The following CACNA1E variants were observed in gnomAD, a reference collection of about 807,000 sequenced individuals.
CACNA1E encodes calcium voltage-gated channel subunit alpha1 E, also known as voltage-dependent R-type calcium channel subunit alpha-1E.
In CACNA1E, 40 loss-of-function variants were observed where a neutral mutation model predicts 259.2. The ratio of observed to expected loss-of-function variants is 0.15; its 90% CI spans 0.12 to 0.20. The LOEUF is 0.20. Among genes scored for constraint, CACNA1E ranks in the 10% least tolerant of loss-of-function variants. The pLI, the probability that CACNA1E is intolerant of heterozygous loss-of-function variation, is 1.00. For missense variants in CACNA1E, 1,874 were observed against 3,040.1 expected, an observed-to-expected ratio of 0.62 and a Z score of 9.02; for synonymous variants, 1,104 against 1,138.5, an observed-to-expected ratio of 0.97 and a Z score of 0.61.
chr1:181,615,493 A>G (rs1477210793), intron 6 of CACNA1E, among the ~76,000 whole-genome samples: 1 of 152,074 alleles, frequency 6.6e-6, no homozygotes, highest in African/African-American at 2.4e-5. Context: ...TGGCTGATAT[A>G]TCTTTTATTA....
At chr1:181,772,295 T>C in intron 37 of CACNA1E, 64 bp downstream of exon 37, 1 of 1,501,500 alleles carries the variant, frequency 6.7e-7, no homozygotes, top group Middle Eastern at 1.8e-4. Flanking sequence ...AACCCTCTGA[T>C]ACATAGACCG....
intron 2 of CACNA1E, among the ~76,000 whole-genome samples, chr1:181,456,443 C>T (rs1464512233): frequency 6.6e-6 from 1 of 152,170 alleles, no homozygotes; most frequent in African/African-American, 2.4e-5. Flanking sequence ...TCCATGTGAT[C>T]TGAGGTATTC....
In CACNA1E at chr1:181,732,095, G is replaced by T. The variant is rs1163565957; in HGVS notation, c.2298-289G>T. 6.6e-6 allele frequency among the ~76,000 whole-genome samples: 1 copy of T among 151,956 alleles called. No individual in the cohort carries two copies. Among genetic ancestry groups the T allele is most frequent in the Non-Finnish European group, 1.5e-5 (1 of 67,988 alleles). On this transcript the variant is annotated intron_variant, in intron 19 of 47. Coordinates refer to ENST00000367573, the MANE Select transcript of CACNA1E (RefSeq NM_001205293.3). This position sits in a 1 kb window ranked among gnomAD's most constrained non-coding sequence, Gnocchi z 5.5. ...AAGCCTGTGGATGGCTGCCCCAGCA[G>T]GCCCTGGGGACTTGGAACTCCTCCC...
At chr1:181,773,485 A>G (rs1572861732) in intron 37 of CACNA1E, among the ~76,000 whole-genome samples, 1 of 151,118 alleles carries the variant, frequency 6.6e-6, no homozygotes, top group African/African-American at 2.5e-5. Flanking sequence ...CAGTAAAAAG[A>G]AAAGAATATA....
chr1:181,561,586 G>A (rs1038458211), intron 3 of CACNA1E, among the ~76,000 whole-genome samples: 2 of 152,124 alleles, frequency 1.3e-5, no homozygotes. Flanking sequence ...TAATGCTTTT[G>A]AGATTCATCC....
chr1:181,598,468 G>C (rs928393725), intron 6 of CACNA1E, among the ~76,000 whole-genome samples: 1 of 152,158 alleles, frequency 6.6e-6, no homozygotes, highest in African/African-American at 2.4e-5. Context: ...CTGGGCAGAA[G>C]CGTGGTGGAG....
At chr1:181,461,205 C>T (rs1352088964) in intron 2 of CACNA1E, among the ~76,000 whole-genome samples, 3 of 152,064 alleles carry the variant, frequency 2.0e-5, no homozygotes, top group African/African-American at 7.2e-5. Context: ...AAAACAGTAT[C>T]GGTTTATGAA....
intron 1 of CACNA1E, among the ~76,000 whole-genome samples, chr1:181,364,738 A>T (rs1166706469): frequency 6.6e-6 from 1 of 152,172 alleles, no homozygotes; most frequent in Non-Finnish European, 1.5e-5. Flanking sequence ...GATATACAAT[A>T]CAGTGTGGTT....
chr1:181,420,775 T>A (rs1214416616), intron 2 of CACNA1E, among the ~76,000 whole-genome samples: 1 of 152,208 alleles, frequency 6.6e-6, no homozygotes, highest in Non-Finnish European at 1.5e-5. Flanking sequence ...AAGGAAATTA[T>A]GTGTAACTTT....
intron 1 of CACNA1E, among the ~76,000 whole-genome samples, chr1:181,504,110 T>C (rs545641159): frequency 2.2e-4 from 33 of 152,270 alleles, no homozygotes; most frequent in African/African-American, 7.7e-4. Context: ...TGCATGAAGG[T>C]GTCCATGCCA....
chr1:181,506,385 G>A (rs1665712863), intron 1 of CACNA1E, among the ~76,000 whole-genome samples: 1 of 152,214 alleles, frequency 6.6e-6, no homozygotes, highest in Non-Finnish European at 1.5e-5. Flanking sequence ...CTGCAAGGGT[G>A]GGAGTGAGCA....
chr1:181,569,107 C>T (rs1208897179), intron 3 of CACNA1E, among the ~76,000 whole-genome samples: 1 of 152,212 alleles, frequency 6.6e-6, no homozygotes, highest in East Asian at 1.9e-4. Flanking sequence ...CTGCCACTTC[C>T]ACAGTGAAGC....
intron 3 of CACNA1E, among the ~76,000 whole-genome samples, chr1:181,563,572 T>C (rs924579800): frequency 2.0e-5 from 3 of 152,186 alleles, no homozygotes; most frequent in Non-Finnish European, 4.4e-5. Flanking sequence ...CAGTGTTTGA[T>C]GTCATGAGAA....
rs551675541 is a variant in CACNA1E at position 181,463,592 on chromosome 1, T to C, written c.435-20152T>C. On this transcript the variant is annotated intron_variant, in intron 2 of 11. Coordinates refer to the CACNA1E transcript ENST00000524607. ...TGAAATTGAGCACTGAACATATGTT[T>C]GTTGGCCATTTGGATTTCCTCTTGT... 2.4e-4 allele frequency among the ~76,000 whole-genome samples: 37 copies of C among 152,286 alleles called. 1 individual carries two copies. Among genetic ancestry groups the C allele is most frequent in the South Asian group, 1.4e-3 (7 of 4,830 alleles).
At position 181,801,402 on chromosome 1, in the gene CACNA1E, TAA is replaced by T. The variant is rs529286085; in HGVS notation, c.*2570_*2571del. On this transcript the variant is annotated 3_prime_UTR_variant, in exon 48 of 48. Transcript: ENST00000367573. ...TACACACAGGTATTTGAGTCCTGAA[TAA>T]AGTGTTGGAAAGCACTGCAGATGCG... is the stretch of plus-strand genomic sequence containing the variant. 26 of 152,414 alleles carry T rather than the reference TAA, an allele frequency of 1.7e-4. No individual in the cohort carries two copies. In the East Asian group the frequency reaches 4.4e-3, roughly 26 times the overall value. 9.4% of individuals were successfully genotyped at this position (152,414 alleles called of 1,614,324 possible). A position where few individuals can be genotyped will look rare whatever the true frequency, so the allele number is the denominator to read the frequency against.
chr1:181,423,085 T>A (rs1306952685), intron 2 of CACNA1E, among the ~76,000 whole-genome samples: 1 of 152,192 alleles, frequency 6.6e-6, no homozygotes, highest in Non-Finnish European at 1.5e-5. Context: ...CCAAATTACG[T>A]AAAAACATCT....
chr1:181,772,821 T>C (rs951749830), intron 37 of CACNA1E, among the ~76,000 whole-genome samples: 4 of 152,204 alleles, frequency 2.6e-5, no homozygotes, highest in African/African-American at 9.7e-5. Flanking sequence ...TTGATTGCTT[T>C]GGGTGTTAGT....
At chr1:181,452,184 CT>C (rs1285282897) in intron 2 of CACNA1E, among the ~76,000 whole-genome samples, 1 of 152,292 alleles carries the variant, frequency 6.6e-6, no homozygotes, top group Non-Finnish European at 1.5e-5. Context: ...GACAAATAGA[CT>C]TTTGAGTTCC....
intron 1 of CACNA1E, among the ~76,000 whole-genome samples, chr1:181,347,684 C>T (rs1652710421): frequency 6.6e-6 from 1 of 152,214 alleles, no homozygotes; most frequent in African/African-American, 2.4e-5. Flanking sequence ...ATTTGTGGGG[C>T]TTGTGACAGT....
Sources: gnomAD v4.1 joint callset for allele counts (sites outside exome capture counted in the v4.1 genomes callset) on GRCh38, gnomAD v4.1.1 for gene constraint, Gnocchi (gnomAD v3.1) non-coding constraint, MANE v1.5 for transcripts, NCBI Gene and HGNC (gene_info 2026-07-23, HGNC 2026-07-21) for gene names.